Variants in LRRC3B observed in about 807,000 individuals in gnomAD.
LRRC3B encodes leucine-rich repeat-containing protein 3B.
LRRC3B carries 2 observed loss-of-function variants against 12.8 expected under a neutral mutation model. The ratio of observed to expected loss-of-function variants is 0.16; its 90% CI spans 0.06 to 0.49. The LOEUF (loss-of-function observed/expected upper bound fraction) is 0.49, where lower values mean the gene tolerates loss of function less well. Among genes scored for constraint, LRRC3B ranks in the 20% least tolerant of loss-of-function variants. LRRC3B has a pLI of 0.96. For synonymous variants in LRRC3B, 132 were observed against 122.0 expected, an observed-to-expected ratio of 1.08 and a Z score of -0.54; for missense variants, 189 against 319.4, an observed-to-expected ratio of 0.59 and a Z score of 3.11.
At chr3:26,689,808 G>A (rs372403729) in intron 1 of LRRC3B, among the ~76,000 whole-genome samples, 51 of 152,268 alleles carry the variant, frequency 3.3e-4, no homozygotes, top group African/African-American at 1.2e-3. Context: ...GCAGCTCTGC[G>A]GATGCCCACA....
At chr3:26,683,975 C>A (rs1700022761) in intron 1 of LRRC3B, among the ~76,000 whole-genome samples, 1 of 152,200 alleles carries the variant, frequency 6.6e-6, no homozygotes, top group African/African-American at 2.4e-5. Context: ...GTCCACAGGA[C>A]TTGTTTCTCT....
chr3:26,633,927 A>C (rs903502723), intron 1 of LRRC3B, among the ~76,000 whole-genome samples: 1 of 152,194 alleles, frequency 6.6e-6, no homozygotes, highest in African/African-American at 2.4e-5. Flanking sequence ...CCATATTTTT[A>C]TGTGTAAGCT....
intron 1 of LRRC3B, among the ~76,000 whole-genome samples, chr3:26,668,661 T>C (rs866862656): frequency 2.0e-5 from 3 of 152,208 alleles, no homozygotes; most frequent in South Asian, 2.1e-4. Flanking sequence ...ACTTTTTTGC[T>C]TTGCTTTTTT....
intron 1 of LRRC3B, among the ~76,000 whole-genome samples, chr3:26,662,158 CA>C (rs1307800533): frequency 3.9e-5 from 6 of 152,100 alleles, no homozygotes; most frequent in African/African-American, 1.4e-4. Flanking sequence ...ATAATTGAGT[CA>C]TTTTTTCTGG....
At chr3:26,706,834 T>C (rs896087766) in intron 1 of LRRC3B, among the ~76,000 whole-genome samples, 2 of 152,216 alleles carry the variant, frequency 1.3e-5, no homozygotes, top group African/African-American at 4.8e-5. Context: ...ATAAGACCAG[T>C]AGACATTTGA....
intron 1 of LRRC3B, among the ~76,000 whole-genome samples, chr3:26,649,488 G>A (rs751006957): frequency 2.8e-4 from 42 of 152,210 alleles, no homozygotes; most frequent in Non-Finnish European, 4.7e-4. Context: ...CCAGATCCCT[G>A]TTTTCATACT....
At chr3:26,663,324 C>T (rs192968284) in intron 1 of LRRC3B, among the ~76,000 whole-genome samples, 87 of 152,198 alleles carry the variant, frequency 5.7e-4, no homozygotes, top group African/African-American at 2.1e-3. Context: ...TCATTCCCCC[C>T]ACCCCAATAC....
At chr3:26,691,103 GTGTATATA>G (rs1700181991) in intron 1 of LRRC3B, among the ~76,000 whole-genome samples, 1 of 44,954 alleles carries the variant, frequency 2.2e-5, no homozygotes, top group African/African-American at 8.3e-5. Context: ...GTGTGTGTGT[GTGTATATA>G]TATATATATA....
chr3:26,678,466 C>T (rs1699907178), intron 1 of LRRC3B, among the ~76,000 whole-genome samples: 1 of 151,386 alleles, frequency 6.6e-6, no homozygotes. Context: ...TGCATTTCAG[C>T]CTGGGTAACA....
chr3:26,692,319 G>A (rs1700208593), intron 1 of LRRC3B, among the ~76,000 whole-genome samples: 1 of 152,068 alleles, frequency 6.6e-6, no homozygotes, highest in South Asian at 2.1e-4. Context: ...CTTAACCCCT[G>A]GACTATACTA....
At chr3:26,656,002 C>T (rs1699365102) in intron 1 of LRRC3B, among the ~76,000 whole-genome samples, 1 of 152,202 alleles carries the variant, frequency 6.6e-6, no homozygotes, top group Admixed American at 6.5e-5. Flanking sequence ...GTTCATTTGA[C>T]TGCAAAGCCT....
intron 1 of LRRC3B, among the ~76,000 whole-genome samples, chr3:26,708,295 GTCC>G (rs747858741): frequency 2.0e-5 from 3 of 152,186 alleles, no homozygotes; most frequent in Non-Finnish European, 4.4e-5. Context: ...GCTCCATGGG[GTCC>G]TCAACTTGGA....
At chr3:26,706,906 AC>A (rs1700603699) in intron 1 of LRRC3B, among the ~76,000 whole-genome samples, 1 of 152,222 alleles carries the variant, frequency 6.6e-6, no homozygotes, top group Non-Finnish European at 1.5e-5. Context: ...GGAAAAGCGT[AC>A]CTAGACTCTT....
At position 26,679,901 on chromosome 3, in the gene LRRC3B, A is replaced by G. The variant is rs545850837; in HGVS notation, c.-160-29612A>G. ...TGAAAGGATTTGGGTTAGGAGAAAA[A>G]AGGTGTGTCACATAACAGAGAACAC... On this transcript the variant is annotated intron_variant, in intron 1 of 1. Coordinates refer to ENST00000396641, the Ensembl canonical transcript of LRRC3B. 2.6e-5 allele frequency among the ~76,000 whole-genome samples: 4 copies of G among 152,204 alleles called. No individual in the cohort carries two copies. In the East Asian group the frequency reaches 7.7e-4, roughly 29 times the overall value.
At position 26,693,631 on chromosome 3, in the gene LRRC3B, G is replaced by T. The variant is rs141316682; in HGVS notation, c.-160-15882G>T. On this transcript the variant is annotated intron_variant, in intron 1 of 1. Transcript: ENST00000396641. The stretch of plus-strand genomic sequence containing the variant: ...TCATGCCCATTTTATAGATGAAAAC[G>T]TTGAGGTCCAGTGTTAAGCAACATG... Among the ~76,000 whole-genome samples the T allele has an allele frequency of 5.1e-3, 776 of 152,278 alleles. 4 individuals carry two copies. The highest frequency in any genetic ancestry group is 0.01 in the Middle Eastern group (3 of 294).
intron 1 of LRRC3B, among the ~76,000 whole-genome samples, chr3:26,644,333 T>C (rs149261831): frequency 4.6e-4 from 70 of 152,340 alleles, no homozygotes; most frequent in Non-Finnish European, 7.9e-4. Flanking sequence ...CCAGTACCTA[T>C]GTCAGAAGTG....
chr3:26,636,916 CTCTT>C (rs559017147), intron 1 of LRRC3B, among the ~76,000 whole-genome samples: 6,126 of 70,834 alleles, frequency 0.086, 477 homozygotes, highest in African/African-American at 0.1. Context: ...CTCTCTTTCT[CTCTT>C]TCTTTCTTTC....
chr3:26,674,790 C>T (rs537186481), intron 1 of LRRC3B, among the ~76,000 whole-genome samples: 2 of 152,310 alleles, frequency 1.3e-5, no homozygotes, highest in Admixed American at 1.3e-4. Flanking sequence ...TTTGCTCCAA[C>T]CTACAACCTT....
At chr3:26,688,145 A>T (rs751680910) in intron 1 of LRRC3B, among the ~76,000 whole-genome samples, 2 of 152,226 alleles carry the variant, frequency 1.3e-5, no homozygotes, top group Non-Finnish European at 2.9e-5. Flanking sequence ...ATATATCCAG[A>T]TGTGAACCCA....
Sources: allele counts gnomAD v4.1 joint callset (sites outside exome capture counted in the v4.1 genomes callset), GRCh38; gene constraint gnomAD v4.1.1; transcripts MANE v1.5; gene names NCBI Gene and HGNC (gene_info 2026-07-23, HGNC 2026-07-21).